Variants in ADAMTS17 observed in about 807,000 individuals in gnomAD.
The protein encoded by ADAMTS17 is A disintegrin and metalloproteinase with thrombospondin motifs 17.
A neutral mutation model predicts 141.5 loss-of-function variants in ADAMTS17; 113 were observed. The ratio of observed to expected loss-of-function variants is 0.80; its 90% CI spans 0.69 to 0.93. ADAMTS17 has a LOEUF of 0.93. Ranked by LOEUF, ADAMTS17 falls within the 40% of genes least tolerant of loss-of-function variation. ADAMTS17 has a pLI of 0.00. For synonymous variants in ADAMTS17, 768 were observed against 630.6 expected (o/e 1.22, Z -3.27); for missense variants, 1,659 against 1,517.9 (o/e 1.09, Z -1.54).
chr15:100,273,794 C>G (rs1299863237), intron 4 of ADAMTS17, among the ~76,000 whole-genome samples: 1 of 152,048 alleles, frequency 6.6e-6, no homozygotes, highest in African/African-American at 2.4e-5. Context: ...TGAGATTTTT[C>G]TTTTTAAGTG....
chr15:100,009,778 T>C (rs369308927), intron 18 of ADAMTS17, among the ~76,000 whole-genome samples: 2 of 152,204 alleles, frequency 1.3e-5, no homozygotes, highest in African/African-American at 4.8e-5. Flanking sequence ...GTCACATTCA[T>C]CTTAATTTTT....
intron 18 of ADAMTS17, among the ~76,000 whole-genome samples, chr15:100,001,069 C>T (rs993845557): frequency 1.3e-5 from 2 of 152,074 alleles, no homozygotes; most frequent in African/African-American, 4.8e-5. Flanking sequence ...AGAAGGTGCT[C>T]TTGGATGGAG....
intron 12 of ADAMTS17, among the ~76,000 whole-genome samples, chr15:100,123,462 G>A (rs979018260): frequency 6.6e-6 from 1 of 152,182 alleles, no homozygotes; most frequent in African/African-American, 2.4e-5. Flanking sequence ...CAGCCCTACT[G>A]GGCTCCAAGG....
intron 2 of ADAMTS17, among the ~76,000 whole-genome samples, chr15:100,339,601 AGGTCC>A (rs1182601430): frequency 2.4e-5 from 1 of 42,002 alleles, no homozygotes. Flanking sequence ...TCCCCGCCCC[AGGTCC>A]ACATTCCCCG....
chr15:100,041,460 G>A (rs2031247022), intron 18 of ADAMTS17, among the ~76,000 whole-genome samples: 1 of 152,242 alleles, frequency 6.6e-6, no homozygotes, highest in Admixed American at 6.5e-5. Context: ...GGCAGCCCCT[G>A]CCTCCTTGCT....
chr15:100,086,417 G>T (rs1567149659), intron 15 of ADAMTS17, among the ~76,000 whole-genome samples: 1 of 151,720 alleles, frequency 6.6e-6, no homozygotes, highest in Non-Finnish European at 1.5e-5. Context: ...ACACCCCACT[G>T]TCAACATTAG....
intron 18 of ADAMTS17, among the ~76,000 whole-genome samples, chr15:100,023,417 C>G (rs1027030183): frequency 6.6e-6 from 1 of 151,812 alleles, no homozygotes; most frequent in Admixed American, 6.6e-5. Flanking sequence ...GTTGGTCAGG[C>G]TGGTCTCGAA....
chr15:100,017,154 C>T (rs974879566), intron 18 of ADAMTS17, among the ~76,000 whole-genome samples: 4 of 152,120 alleles, frequency 2.6e-5, no homozygotes, highest in African/African-American at 4.8e-5. Context: ...GGGGGAAAGC[C>T]GGCAGTCACA....
chr15:100,248,737 C>T (rs1184226373), intron 7 of ADAMTS17, among the ~76,000 whole-genome samples: 3 of 152,130 alleles, frequency 2.0e-5, no homozygotes, highest in Non-Finnish European at 4.4e-5. Flanking sequence ...CCTTCCCATT[C>T]CAGCGAAGCC....
intron 7 of ADAMTS17, among the ~76,000 whole-genome samples, chr15:100,246,323 T>C (rs1029639502): frequency 1.3e-5 from 2 of 152,184 alleles, no homozygotes; most frequent in African/African-American, 4.8e-5. Flanking sequence ...TGGTCTATTT[T>C]TTAATACTAT....
At chr15:100,073,552 G>C (rs2034141825) in intron 15 of ADAMTS17, among the ~76,000 whole-genome samples, 1 of 151,912 alleles carries the variant, frequency 6.6e-6, no homozygotes, top group Non-Finnish European at 1.5e-5. Flanking sequence ...AAAAAATGTG[G>C]CACATATACA....
chr15:100,050,704 T>C (rs543002278), intron 17 of ADAMTS17, among the ~76,000 whole-genome samples: 99 of 152,348 alleles, frequency 6.5e-4, no homozygotes, highest in African/African-American at 2.3e-3. Flanking sequence ...TGGCGGGGGC[T>C]ATGCCCGGGG....
intron 3 of ADAMTS17, among the ~76,000 whole-genome samples, chr15:100,315,801 C>G (rs1201671098): frequency 6.6e-6 from 1 of 152,204 alleles, no homozygotes; most frequent in Non-Finnish European, 1.5e-5. Flanking sequence ...TTACATGAAG[C>G]CTCATTTAAA....
intron 19 of ADAMTS17, among the ~76,000 whole-genome samples, chr15:99,994,470 C>A (rs546198255): frequency 4.2e-4 from 63 of 148,350 alleles, no homozygotes; most frequent in Non-Finnish European, 8.3e-4. Flanking sequence ...AAAAAAAAAT[C>A]CCACTGTGTC....
intron 3 of ADAMTS17, among the ~76,000 whole-genome samples, chr15:100,283,177 G>T (rs1251126514): frequency 6.6e-6 from 1 of 152,230 alleles, no homozygotes. Context: ...GCAAAATGAA[G>T]TCTTCTCAGC....
At chr15:100,254,724 C>A (rs531792976) in intron 6 of ADAMTS17, among the ~76,000 whole-genome samples, 1 of 151,884 alleles carries the variant, frequency 6.6e-6, no homozygotes, top group Non-Finnish European at 1.5e-5. Context: ...GCCTATTATC[C>A]TCAGAAAACT....
chr15:100,024,187 G>A (rs1294290068), intron 18 of ADAMTS17, among the ~76,000 whole-genome samples: 1 of 152,116 alleles, frequency 6.6e-6, no homozygotes, highest in African/African-American at 2.4e-5. Context: ...CGAACTCCTG[G>A]GCTCAAGCAA....
intron 7 of ADAMTS17, among the ~76,000 whole-genome samples, chr15:100,220,380 G>A (rs904578060): frequency 3.9e-5 from 6 of 151,974 alleles, no homozygotes; most frequent in East Asian, 1.9e-4. Flanking sequence ...TCTTTCCCCC[G>A]AACGCTTCAC....
At chr15:100,088,040 A>C (rs2035220292) in intron 15 of ADAMTS17, among the ~76,000 whole-genome samples, 1 of 152,222 alleles carries the variant, frequency 6.6e-6, no homozygotes. Context: ...GAAAAGAGGA[A>C]GTCAAATTGT....
Sources: allele counts gnomAD v4.1 joint callset (sites outside exome capture counted in the v4.1 genomes callset), GRCh38; gene constraint gnomAD v4.1.1; transcripts MANE v1.5; gene names NCBI Gene and HGNC (gene_info 2026-07-23, HGNC 2026-07-21).